The following CSF2RA variants were observed in gnomAD, a reference collection of about 807,000 sequenced individuals.
The protein encoded by CSF2RA is granulocyte-macrophage colony-stimulating factor receptor subunit alpha.
A neutral mutation model predicts 51.6 loss-of-function variants in CSF2RA; 42 were observed. That is an observed-to-expected ratio of 0.81 (90% CI 0.64 to 1.05). CSF2RA has a LOEUF of 1.05. Ranked by LOEUF, CSF2RA falls within the 50% of genes least tolerant of loss-of-function variation. CSF2RA has a pLI of 0.00. For synonymous variants in CSF2RA, 222 were observed against 193.0 expected, an observed-to-expected ratio of 1.15 and a Z score of -1.24; for missense variants, 530 against 501.1, an observed-to-expected ratio of 1.06 and a Z score of -0.55.
intron 7 of CSF2RA, 123 bp downstream of exon 7, chrX:1,290,632 A>T (rs1478052807): frequency 2.1e-6 from 2 of 973,932 alleles, no homozygotes; most frequent in African/African-American, 3.2e-5. Context: ...TGGGAGGCCG[A>T]GGCGGGCCGA....
intron 10 of CSF2RA, among the ~76,000 whole-genome samples, chrX:1,301,595 CTT>C (rs777108928): frequency 0.036 from 3,813 of 105,764 alleles, 113 homozygotes; most frequent in African/African-American, 0.12. Flanking sequence ...CTCTTTTTTT[CTT>C]TTTTTTTTTT....
chrX:1,307,467 TTA>T lies in CSF2RA; in HGVS notation c.1126-1934_1126-1933del, dbSNP rs1218390164. 1.6e-3 allele frequency among the ~76,000 whole-genome samples: 210 copies of T among 133,794 alleles called. 7 individuals carry two copies. The highest frequency in any genetic ancestry group is 5.5e-3 in the African/African-American group (197 of 35,812). 87.8% of individuals were successfully genotyped at this position (133,794 alleles called of 152,430 possible). Reference sequence around the variant, plus strand: ...TCAGCTTATTAGATAAGGCCCACCCTTACCCTTTAGACTTTCAACTGATTAAA... The same window carrying T: ...TCAGCTTATTAGATAAGGCCCACCCTCCCTTTAGACTTTCAACTGATTAAA... On this transcript the variant is annotated intron_variant, in intron 12 of 12. Transcript: ENST00000381529.
chrX:1,318,916 C>CA, the CSF2RA span, among the ~76,000 whole-genome samples: 63,522 of 136,844 alleles, frequency 0.46, 14,628 homozygotes, highest in East Asian at 0.71. Flanking sequence ...GACTCCATCT[C>CA]AAAAAAAAAA....
rs760891800 is a variant in CSF2RA at position 1,278,945 on chromosome X, T to C, written c.-26-3733T>C. ...CCCAGCTACTCGGAGGCTGAGGCAGTAGAATCACTTGAACCTAGGAGACAG... is the reference window on the plus strand; with the variant it reads ...CCCAGCTACTCGGAGGCTGAGGCAGCAGAATCACTTGAACCTAGGAGACAG... On this transcript the variant is annotated intron_variant, in intron 2 of 12. Transcript: ENST00000381529. Among the ~76,000 whole-genome samples the C allele has an allele frequency of 2.7e-5, 4 of 149,770 alleles. No individual in the cohort carries two copies. In the East Asian group the frequency reaches 7.8e-4, roughly 29 times the overall value.
chrX:1,293,869 C>A (rs1473186219), intron 7 of CSF2RA: 2 of 386,440 alleles, frequency 5.2e-6, no homozygotes, highest in Non-Finnish European at 5.0e-6. Flanking sequence ...CAGGAGGAGA[C>A]CCTGCCCCAC....
chrX:1,306,644 A>G (rs1184246435), intron 12 of CSF2RA, among the ~76,000 whole-genome samples: 1 of 151,920 alleles, frequency 6.6e-6, no homozygotes, highest in Non-Finnish European at 1.5e-5. Context: ...AAAACTCTCT[A>G]TCAAAAACAA....
At chrX:1,300,463 A>G (rs370120897) in intron 9 of CSF2RA, 28 bp from the exon 10 acceptor site, 5 of 1,613,842 alleles carry the variant, frequency 3.1e-6, no homozygotes, top group African/African-American at 2.7e-5. Context: ...GAAGACGCCT[A>G]TCTCTAACTT....
At chrX:1,270,276 G>A (rs2088204337) in intron 1 of CSF2RA, among the ~76,000 whole-genome samples, 2 of 151,966 alleles carry the variant, frequency 1.3e-5, no homozygotes, top group South Asian at 4.1e-4. Flanking sequence ...ATCTGGCTGT[G>A]TCATCCAGGC....
chrX:1,299,997 C>T (rs1449138493), intron 9 of CSF2RA, among the ~76,000 whole-genome samples: 1 of 151,302 alleles, frequency 6.6e-6, no homozygotes, highest in Non-Finnish European at 1.5e-5. Context: ...GCGGTCGGAT[C>T]ACGAGGTGAG....
chrX:1,301,912 CTTTTTTTTTT>C (rs1158872719), intron 10 of CSF2RA, among the ~76,000 whole-genome samples: 1 of 103,648 alleles, frequency 9.6e-6, no homozygotes, highest in East Asian at 3.1e-4. Flanking sequence ...GGCCCTCCCT[CTTTTTTTTTT>C]TTTTTTTTTT....
chrX:1,280,089 C>T (rs1311563355), intron 2 of CSF2RA, among the ~76,000 whole-genome samples: 6 of 151,994 alleles, frequency 3.9e-5, no homozygotes, highest in African/African-American at 1.2e-4. Flanking sequence ...TGTGCCCGGC[C>T]GAGAGACGCA....
At chrX:1,275,132 C>T (rs2089008629) in intron 2 of CSF2RA, among the ~76,000 whole-genome samples, 1 of 150,502 alleles carries the variant, frequency 6.6e-6, no homozygotes, top group Admixed American at 6.6e-5. Flanking sequence ...GTGGCTCAAG[C>T]CTGTAATCCC....
At chrX:1,323,431 G>A in the CSF2RA span, among the ~76,000 whole-genome samples, 12 of 152,072 alleles carry the variant, frequency 7.9e-5, no homozygotes, top group African/African-American at 2.7e-4. Flanking sequence ...TGGCTGCAGA[G>A]AGGAGCATGT....
downstream of CSF2RA, among the ~76,000 whole-genome samples, chrX:1,314,913 T>G (rs184767269): frequency 0.058 from 1,407 of 24,304 alleles, 136 homozygotes; most frequent in African/African-American, 0.25. Context: ...CAACCCCACT[T>G]CACCTGCCCA....
rs1207318044 is a variant in CSF2RA at position 1,289,899 on chromosome X, GTGTTTTTGTGTTT to G, written c.474-418_474-406del. Among the ~76,000 whole-genome samples, 146 of 72,942 alleles carry G rather than the reference GTGTTTTTGTGTTT, an allele frequency of 2.0e-3. 2 individuals are homozygous for G. The highest frequency in any genetic ancestry group is 6.4e-3 in the African/African-American group (121 of 18,892). The allele number at this position is 72,942 out of a possible 152,430, so 47.9% of individuals were successfully genotyped here. A position where few individuals can be genotyped will look rare whatever the true frequency, so the allele number is the denominator to read the frequency against. ...GTGTTTTTGTGTTTTGTTTTGTTTT[GTGTTTTTGTGTTT>G]TGTTTTTGTGTTTTGTTTTGTTTTG... On this transcript the variant is annotated intron_variant, in intron 6 of 12. Transcript: ENST00000381529.
downstream of CSF2RA, among the ~76,000 whole-genome samples, chrX:1,314,264 ACTGCGCCTGCC>A (rs2084327725): frequency 8.4e-5 from 7 of 83,554 alleles, 1 homozygote; most frequent in African/African-American, 2.5e-4. Context: ...GCCCAACCCC[ACTGCGCCTGCC>A]CAACCCCACT....
chrX:1,300,501 C>G lies in CSF2RA; in HGVS notation c.821C>G (p.Ser274Cys), dbSNP rs374044405. Residue 274 changes from serine to cysteine, a missense_variant, in exon 10 of 13, where the codon TCT becomes TGT. Coordinates refer to ENST00000381529, the MANE Select transcript of CSF2RA (RefSeq NM_172245.4). ...TTTTTTCCTCCAAAGATTAATGTTT[C>G]TGGTGATTTGGAAAATAGATACAAC... ...PGTENLLINVSGDLENRYNFP... is the reference protein window; with the variant it reads ...PGTENLLINVCGDLENRYNFP... 1 of 1,613,934 alleles carries G rather than the reference C, an allele frequency of 6.2e-7. No homozygotes were observed. Among genetic ancestry groups the G allele is most frequent in the Non-Finnish European group, 8.5e-7 (1 of 1,179,864 alleles).
rs1202643478 is a variant in CSF2RA at position 1,282,031 on chromosome X, T to TAAAAAAAAAAAAAAAAAAA, written c.-26-641_-26-623dup. ...TAACACGGTGAAAGCCTGTTTCTAC[T>TAAAAAAAAAAAAAAAAAAA]AAAAAAAAAAAAAAAAAAAAAAAAT... On this transcript the variant is annotated intron_variant, in intron 2 of 12. Transcript: ENST00000381529. 2 of 61,134 alleles carry TAAAAAAAAAAAAAAAAAAA rather than the reference T, an allele frequency of 3.3e-5. 1 individual carries two copies. Among genetic ancestry groups the TAAAAAAAAAAAAAAAAAAA allele is most frequent in the Non-Finnish European group, 5.7e-5 (2 of 35,122 alleles). The allele number at this position is 61,134 out of a possible 1,614,324, so 3.8% of individuals were successfully genotyped here. A position where few individuals can be genotyped will look rare whatever the true frequency, so the allele number is the denominator to read the frequency against.
At chrX:1,312,124 C>G (rs754270969), downstream of CSF2RA, among the ~76,000 whole-genome samples, 2 of 152,098 alleles carry the variant, frequency 1.3e-5, no homozygotes, top group South Asian at 4.2e-4. Context: ...ACCTGGCTAA[C>G]TTTTGTATTT....
Sources: gnomAD v4.1 joint callset for allele counts (sites outside exome capture counted in the v4.1 genomes callset) on GRCh38, gnomAD v4.1.1 for gene constraint, MANE v1.5 for transcripts, NCBI Gene and HGNC (gene_info 2026-07-23, HGNC 2026-07-21) for gene names.